Variants in MCF2L observed in about 807,000 individuals in gnomAD.
MCF2L encodes the protein guanine nucleotide exchange factor DBS.
MCF2L carries 97 observed loss-of-function variants against 153.4 expected under a neutral mutation model. The observed-to-expected ratio is 0.63, with a 90% confidence interval of 0.54 to 0.75. MCF2L has a LOEUF of 0.75. Among genes scored for constraint, MCF2L ranks in the 30% least tolerant of loss-of-function variants. The probability of loss-of-function intolerance (pLI) is 0.00; values close to 1 mark genes in which losing one functional copy is unlikely to be tolerated. For missense variants in MCF2L, 1,347 were observed against 1,495.2 expected, an observed-to-expected ratio of 0.90 and a Z score of 1.64; for synonymous variants, 659 against 632.2, an observed-to-expected ratio of 1.04 and a Z score of -0.64.
chr13:113,060,637 G>A lies in MCF2L; in HGVS notation c.414G>A (p.Pro138=), dbSNP rs200106330. ...TGCAGCTCGTCCTCGTGCTTCGCCC[G>A]ACGGGTTTTTTCCAAAGGACTCTCT... ...ANLQLVLVLR[P]TGFFQRTLSD... is the part of the protein sequence containing the mutation. The change falls in exon 5 of 30, where the codon CCG becomes CCA. Residue 138 remains proline (P), a synonymous_variant. Coordinates refer to ENST00000535094, the MANE Select transcript of MCF2L (RefSeq NM_001112732.3). 64 of 1,613,494 alleles carry A rather than the reference G, an allele frequency of 4.0e-5. No homozygotes were observed. Among genetic ancestry groups the A allele is most frequent in the African/African-American group, 2.9e-4 (22 of 74,922 alleles).
Position 113,070,044 on chromosome 13 carries a change from C to T in MCF2L, c.882-15C>T. 1.9e-6 allele frequency: 3 copies of T among 1,598,378 alleles called. No individual in the cohort carries two copies. The highest frequency in any genetic ancestry group is 1.1e-5 in the South Asian group (1 of 90,118). On this transcript the variant is annotated splice_polypyrimidine_tract_variant and intron_variant, in intron 8 of 29. Transcript: ENST00000535094. The surrounding 1 kb of genome is among the most constrained non-coding windows in gnomAD (Gnocchi z 5.6). ...CCGTGGGCCACACAGACGGTCAACT[C>T]CTCCTCTTTCCCAGGCTCCTGGCCC...
intron 18 of MCF2L, 131 bp from the exon 19 acceptor site, chr13:113,084,761 C>A: frequency 1.4e-6 from 1 of 729,186 alleles, no homozygotes; most frequent in Non-Finnish European, 2.4e-6. Context: ...AGCAGCAATG[C>A]CTCGCAGGGC....
In MCF2L at chr13:113,074,439, T is replaced by A. The variant is rs566389785; in HGVS notation, c.997-5T>A. 2.5e-5 allele frequency: 41 copies of A among 1,612,488 alleles called. No individual in the cohort carries two copies. In the East Asian group the frequency reaches 8.0e-4, roughly 32 times the overall value. ...CCCCCTGAGATGGGCCCTCCTCTGTTCCAGGTCAAAGCCATCTTGGACGCA... is the reference window on the plus strand; with the variant it reads ...CCCCCTGAGATGGGCCCTCCTCTGTACCAGGTCAAAGCCATCTTGGACGCA... On this transcript the variant is annotated splice_polypyrimidine_tract_variant and splice_region_variant and intron_variant, in intron 9 of 29. Transcript: ENST00000535094. This position sits in a 1 kb window ranked among gnomAD's most constrained non-coding sequence, Gnocchi z 4.2.
chr13:113,071,657 G>A (rs754177320), intron 9 of MCF2L, among the ~76,000 whole-genome samples: 20 of 152,262 alleles, frequency 1.3e-4, no homozygotes, highest in South Asian at 2.1e-4. Context: ...CTTCTCCACC[G>A]TTGTCAAAGC....
chr13:113,024,226 A>G (rs1376240544), intron 2 of MCF2L, among the ~76,000 whole-genome samples: 3 of 152,234 alleles, frequency 2.0e-5, no homozygotes, highest in Non-Finnish European at 2.9e-5. Context: ...GCACATGCAT[A>G]TATGGAATAT....
intron 15 of MCF2L, among the ~76,000 whole-genome samples, chr13:113,080,431 G>A (rs1177428058): frequency 6.6e-6 from 1 of 152,178 alleles, no homozygotes; most frequent in Non-Finnish European, 1.5e-5. Context: ...TTGCTCCCCA[G>A]TCCTCTCCCC....
chr13:113,069,826 G>A (rs1168976109), intron 8 of MCF2L, among the ~76,000 whole-genome samples: 1 of 152,208 alleles, frequency 6.6e-6, no homozygotes, highest in Non-Finnish European at 1.5e-5. Flanking sequence ...AGAGAAGCAG[G>A]AAGGAAAGGA....
At chr13:112,913,877 C>T (rs998572641) in intron 2 of MCF2L, among the ~76,000 whole-genome samples, 1 of 152,192 alleles carries the variant, frequency 6.6e-6, no homozygotes, top group African/African-American at 2.4e-5. Context: ...CTTCTCAGCA[C>T]TGCAGACTCT....
intron 2 of MCF2L, among the ~76,000 whole-genome samples, chr13:112,961,405 A>T (rs957666631): frequency 1.5e-4 from 23 of 152,214 alleles, no homozygotes; most frequent in African/African-American, 5.3e-4. Flanking sequence ...CCCTGCGAGG[A>T]GATGCCTGGT....
Position 113,064,869 on chromosome 13 carries a change from G to A in MCF2L, c.607-67G>A. ...GTGGGAACGGTTTCCGCCGGTGTCTGCTTTCAGGGCAGCAGGAGGTGGGTG... is the reference window on the plus strand; with the variant it reads ...GTGGGAACGGTTTCCGCCGGTGTCTACTTTCAGGGCAGCAGGAGGTGGGTG... On this transcript the variant is annotated intron_variant, in intron 6 of 29. Transcript: ENST00000535094. The surrounding 1 kb of genome is among the most constrained non-coding windows in gnomAD (Gnocchi z 6.0). 3.2e-6 allele frequency: 5 copies of A among 1,550,170 alleles called. No homozygotes were observed. Among genetic ancestry groups the A allele is most frequent in the Non-Finnish European group, 4.4e-6 (5 of 1,142,898 alleles).
chr13:113,005,201 G>A (rs2083606207), intron 1 of MCF2L, among the ~76,000 whole-genome samples: 1 of 152,196 alleles, frequency 6.6e-6, no homozygotes, highest in African/African-American at 2.4e-5. Flanking sequence ...GAGCCTGGAG[G>A]ACAGTGCTGA....
At chr13:112,957,571 G>A (rs1312230879) in intron 2 of MCF2L, 2 of 152,186 alleles carry the variant, frequency 1.3e-5, no homozygotes, top group Non-Finnish European at 1.5e-5. Flanking sequence ...CCAGATAGAC[G>A]TGGCCAGTCG....
intron 26 of MCF2L, 160 bp downstream of exon 26, chr13:113,089,888 C>T (rs1198493924): frequency 6.2e-7 from 1 of 1,607,798 alleles, no homozygotes; most frequent in South Asian, 1.1e-5. Context: ...CCTAGGACCC[C>T]ACAGAAGAGC....
intron 2 of MCF2L, among the ~76,000 whole-genome samples, chr13:112,915,665 A>G (rs1417465295): frequency 1.3e-5 from 2 of 151,906 alleles, no homozygotes; most frequent in Non-Finnish European, 2.9e-5. Context: ...CCTGTTATCT[A>G]ATTACATGAT....
chr13:113,029,782 A>G (rs1594748063), intron 3 of MCF2L, among the ~76,000 whole-genome samples: 1 of 152,228 alleles, frequency 6.6e-6, no homozygotes, highest in South Asian at 2.1e-4. Context: ...ACCCTGGCAC[A>G]GGCGGTTCCC....
chr13:113,010,121 C>CT (rs1555364430), intron 1 of MCF2L: 1 of 149,964 alleles, frequency 6.7e-6, no homozygotes, highest in African/African-American at 2.5e-5. Flanking sequence ...CCATACCCCC[C>CT]CCACCCGCAC....
Position 112,987,267 on chromosome 13 carries a change from G to T in MCF2L, c.79+17809G>T, listed in dbSNP as rs555940507. On this transcript the variant is annotated intron_variant, in intron 1 of 29. Coordinates refer to ENST00000535094, the MANE Select transcript of MCF2L (RefSeq NM_001112732.3). The stretch of plus-strand genomic sequence containing the variant: ...GCCCCTTCCAGCGCTTTCCCGAAAC[G>T]CTGTTGTCTGCAGCCACGCAGAGGG... Among the ~76,000 whole-genome samples the T allele has an allele frequency of 7.1e-4, 108 of 152,334 alleles. 2 individuals carry two copies. In the Middle Eastern group the frequency reaches 0.01, roughly 14 times the overall value.
At position 113,036,179 on chromosome 13, in the gene MCF2L, C is replaced by T. The variant is rs143628189; in HGVS notation, c.279-9092C>T. On this transcript the variant is annotated intron_variant, in intron 3 of 29. Coordinates refer to ENST00000535094, the MANE Select transcript of MCF2L (RefSeq NM_001112732.3). ...ACAGACCGCAGCCTGATTCTGAGTTCGCAGTTGGCCAGTGTTGCAGAAGCT... is the reference window on the plus strand; with the variant it reads ...ACAGACCGCAGCCTGATTCTGAGTTTGCAGTTGGCCAGTGTTGCAGAAGCT... Among the ~76,000 whole-genome samples, 52 of 152,266 alleles carry T rather than the reference C, an allele frequency of 3.4e-4. 1 individual carries two copies. Among genetic ancestry groups the T allele is most frequent in the African/African-American group, 1.2e-3 (48 of 41,546 alleles).
intron 3 of MCF2L, among the ~76,000 whole-genome samples, chr13:113,033,619 C>T (rs1417481536): frequency 6.6e-6 from 1 of 152,080 alleles, no homozygotes; most frequent in Non-Finnish European, 1.5e-5. Context: ...CTCAAATGCT[C>T]CAGCTGGGTG....
Sources: gnomAD v4.1 joint callset for allele counts (sites outside exome capture counted in the v4.1 genomes callset) on GRCh38, gnomAD v4.1.1 for gene constraint, Gnocchi (gnomAD v3.1) non-coding constraint, MANE v1.5 for transcripts, NCBI Gene and HGNC (gene_info 2026-07-23, HGNC 2026-07-21) for gene names.